Variants in OCA2 observed in about 807,000 individuals in gnomAD.
OCA2 encodes the protein P protein.
A neutral mutation model predicts 100.2 loss-of-function variants in OCA2; 77 were observed. The ratio of observed to expected loss-of-function variants is 0.77; its 90% CI spans 0.64 to 0.93. OCA2 has a LOEUF of 0.93. Among genes scored for constraint, OCA2 ranks in the 40% least tolerant of loss-of-function variants. OCA2 has a pLI of 0.00. For synonymous variants in OCA2, 432 were observed against 439.2 expected (o/e 0.98, Z 0.21); for missense variants, 1,062 against 1,089.1 (o/e 0.98, Z 0.35).
At chr15:27,897,899 T>C (rs753340257) in intron 19 of OCA2, among the ~76,000 whole-genome samples, 2 of 152,324 alleles carry the variant, frequency 1.3e-5, no homozygotes, top group Non-Finnish European at 2.9e-5. Flanking sequence ...ACCCACCTCT[T>C]GCATCAGCAT....
intron 23 of OCA2, among the ~76,000 whole-genome samples, chr15:27,766,615 ACT>A (rs950454145): frequency 2.0e-5 from 3 of 151,850 alleles, no homozygotes; most frequent in Admixed American, 6.6e-5. Flanking sequence ...CCTGTCTGAA[ACT>A]CTGCTTTGTT....
At chr15:27,741,109 C>T in the OCA2 span, among the ~76,000 whole-genome samples, 16 of 152,206 alleles carry the variant, frequency 1.1e-4, no homozygotes, top group Non-Finnish European at 2.1e-4. Flanking sequence ...GGCCTGCTTA[C>T]GGCGGAGGCC....
At chr15:27,916,240 G>A (rs2038658767) in intron 19 of OCA2, among the ~76,000 whole-genome samples, 1 of 152,094 alleles carries the variant, frequency 6.6e-6, no homozygotes, top group African/African-American at 2.4e-5. Flanking sequence ...CTATGTATCA[G>A]GTCCTACGCT....
chr15:28,045,447 C>T (rs550513944), intron 2 of OCA2, among the ~76,000 whole-genome samples: 51 of 152,282 alleles, frequency 3.3e-4, no homozygotes, highest in Admixed American at 1.8e-3. Context: ...GAGACGCACA[C>T]TTCATTTTGA....
chr15:28,008,598 A>T (rs1317116499), intron 9 of OCA2, among the ~76,000 whole-genome samples: 2 of 152,250 alleles, frequency 1.3e-5, no homozygotes, highest in African/African-American at 4.8e-5. Context: ...ACGTCAGGTT[A>T]TAAATGACCC....
chr15:27,885,631 G>A (rs2037191589), intron 19 of OCA2, among the ~76,000 whole-genome samples: 1 of 152,178 alleles, frequency 6.6e-6, no homozygotes, highest in Non-Finnish European at 1.5e-5. Context: ...AAATTATGAT[G>A]AATGACTATT....
At chr15:28,035,310 G>A (rs1229051427) in intron 2 of OCA2, among the ~76,000 whole-genome samples, 2 of 152,032 alleles carry the variant, frequency 1.3e-5, no homozygotes, top group Admixed American at 1.3e-4. Context: ...GTTTCACCAG[G>A]CAATTTCCTA....
intron 4 of OCA2, among the ~76,000 whole-genome samples, chr15:28,026,425 T>C (rs768103386): frequency 6.6e-5 from 10 of 152,202 alleles, no homozygotes; most frequent in Non-Finnish European, 1.5e-4. Flanking sequence ...TCACACAATT[T>C]CACCCAACTC....
Position 27,839,788 on chromosome 15 carries a change from T to C in OCA2, c.2432+5171A>G, listed in dbSNP as rs190125907. ...AAAATAAGTAAGGATATAAATGACC[T>C]AGTATAATCATTGGGTAGATTTGAG... On this transcript the variant is annotated intron_variant, in intron 23 of 23. Transcript: ENST00000354638. 2.6e-3 allele frequency among the ~76,000 whole-genome samples: 401 copies of C among 152,322 alleles called. 2 individuals carry two copies. The highest frequency in any genetic ancestry group is 9.3e-3 in the African/African-American group (388 of 41,576).
At chr15:27,894,465 G>A (rs192182900) in intron 19 of OCA2, among the ~76,000 whole-genome samples, 13 of 152,322 alleles carry the variant, frequency 8.5e-5, no homozygotes, top group African/African-American at 2.6e-4. Flanking sequence ...AGCAGAATTC[G>A]TATAGAGATG....
At chr15:27,971,016 G>C (rs529974051) in intron 14 of OCA2, among the ~76,000 whole-genome samples, 2 of 150,468 alleles carry the variant, frequency 1.3e-5, no homozygotes, top group African/African-American at 4.9e-5. Flanking sequence ...CAGCATGCAA[G>C]GCATGGTGGG....
chr15:28,065,610 T>A (rs1454226866), intron 2 of OCA2, among the ~76,000 whole-genome samples: 1 of 152,002 alleles, frequency 6.6e-6, no homozygotes, highest in Non-Finnish European at 1.5e-5. Context: ...TTTCTGGGGG[T>A]CGAATAAGAG....
the OCA2 span, among the ~76,000 whole-genome samples, chr15:27,727,733 G>A: frequency 1.3e-5 from 2 of 152,188 alleles, no homozygotes; most frequent in African/African-American, 2.4e-5. Flanking sequence ...AACGATCATG[G>A]CCTGCCATGA....
At chr15:27,805,766 C>G (rs985772365) in intron 23 of OCA2, among the ~76,000 whole-genome samples, 9 of 152,270 alleles carry the variant, frequency 5.9e-5, no homozygotes, top group African/African-American at 2.2e-4. Flanking sequence ...AGACCCTCCG[C>G]GCCCCCCACA....
At chr15:27,892,578 T>C (rs1375843060) in intron 19 of OCA2, among the ~76,000 whole-genome samples, 1 of 152,138 alleles carries the variant, frequency 6.6e-6, no homozygotes, top group Non-Finnish European at 1.5e-5. Context: ...GACAAAACTT[T>C]ATAACACTAA....
Position 27,957,469 on chromosome 15 carries a change from G to A in OCA2, c.1784+119C>T. On this transcript the variant is annotated intron_variant, in intron 16 of 23. Transcript: ENST00000354638. This position sits in a 1 kb window ranked among gnomAD's most constrained non-coding sequence, Gnocchi z 4.3. Reference sequence around the variant, plus strand: ...GATAAAATGTACTATAAGAGGCTTAGCACAGTGTGCGTCACCTAAATATCA... The same window carrying A: ...GATAAAATGTACTATAAGAGGCTTAACACAGTGTGCGTCACCTAAATATCA... The A allele has an allele frequency of 8.2e-7, 1 of 1,214,520 alleles. No homozygotes were observed. The highest frequency in any genetic ancestry group is 1.2e-6 in the Non-Finnish European group (1 of 829,556). 75.2% of individuals were successfully genotyped at this position (1,214,520 alleles called of 1,614,324 possible).
intron 1 of OCA2, among the ~76,000 whole-genome samples, chr15:28,098,106 G>T (rs1416404800): frequency 6.6e-6 from 1 of 152,170 alleles, no homozygotes; most frequent in Admixed American, 6.5e-5. Flanking sequence ...CATAAAACAA[G>T]AACAGTATAG....
intron 23 of OCA2, among the ~76,000 whole-genome samples, chr15:27,832,054 A>C (rs2034981253): frequency 1.3e-5 from 2 of 150,472 alleles, no homozygotes; most frequent in South Asian, 4.2e-4. Flanking sequence ...ATGCTTGCAC[A>C]CTCGCCTGCC....
chr15:27,753,805 G>C (rs77470791), downstream of OCA2, among the ~76,000 whole-genome samples: 1,068 of 152,202 alleles, frequency 7.0e-3, 14 homozygotes, highest in African/African-American at 0.025. Flanking sequence ...GAAGAGTAGA[G>C]AGAGGCACCA....
Sources: allele counts gnomAD v4.1 joint callset (sites outside exome capture counted in the v4.1 genomes callset), GRCh38; gene constraint gnomAD v4.1.1; non-coding constraint Gnocchi (gnomAD v3.1); transcripts MANE v1.5; gene names NCBI Gene and HGNC (gene_info 2026-07-23, HGNC 2026-07-21).